GMCL1: variants seen among roughly 807,000 people sequenced by gnomAD.
GMCL1 encodes the protein germ cell-less protein-like 1.
A neutral mutation model predicts 75.5 loss-of-function variants in GMCL1; 54 were observed. The observed-to-expected ratio is 0.71, with a 90% CI of 0.57 to 0.90. The LOEUF is 0.90. Among genes scored for constraint, GMCL1 ranks in the 40% least tolerant of loss-of-function variants. The probability of loss-of-function intolerance (pLI) is 0.00; values close to 1 mark genes in which losing one functional copy is unlikely to be tolerated. For missense variants in GMCL1, 537 were observed against 622.7 expected (o/e 0.86, Z 1.47); for synonymous variants, 210 against 209.6 (o/e 1.00, Z -0.02).
chr2:69,869,823 C>T lies in GMCL1; in HGVS notation c.1323C>T (p.Ser441=), dbSNP rs541178410. ...GCAATACACTGAATCAGCCATGTAG[C>T]GGATCTGTCAGTTTACAGCCTCGAA... ...FKRNTLNQPC[S]GSVSLQPRRS... is the part of the protein sequence containing the mutation. The change falls in exon 12 of 14, where the codon AGC becomes AGT. Residue 441 remains serine (S), a synonymous_variant. Coordinates refer to ENST00000282570, the MANE Select transcript of GMCL1 (RefSeq NM_178439.5). 4.7e-5 allele frequency: 76 copies of T among 1,613,688 alleles called. No homozygotes were observed. In the South Asian group the frequency reaches 7.0e-4, roughly 15 times the overall value.
At chr2:69,832,533 A>G (rs1674704237) in intron 1 of GMCL1, among the ~76,000 whole-genome samples, 1 of 152,232 alleles carries the variant, frequency 6.6e-6, no homozygotes, top group Non-Finnish European at 1.5e-5. Context: ...CATGTATATA[A>G]CAAGTAGTGG....
intron 9 of GMCL1, among the ~76,000 whole-genome samples, chr2:69,856,759 C>T (rs527359517): frequency 5.5e-4 from 84 of 151,692 alleles, no homozygotes; most frequent in Admixed American, 2.1e-3. Context: ...CGTCCTAGCC[C>T]CCTCAGTGTG....
chr2:69,878,003 G>A (rs1394928185), intron 13 of GMCL1, among the ~76,000 whole-genome samples: 2 of 152,146 alleles, frequency 1.3e-5, no homozygotes. Flanking sequence ...TCTCATTTTA[G>A]TGTTTCTTCT....
At chr2:69,866,967 C>T (rs924928779) in intron 11 of GMCL1, among the ~76,000 whole-genome samples, 23 of 150,220 alleles carry the variant, frequency 1.5e-4, no homozygotes, top group African/African-American at 5.4e-4. Flanking sequence ...TTTTTTGAGA[C>T]AGAGTCTCAC....
At chr2:69,871,159 G>GACCA (rs1675972018) in intron 12 of GMCL1, among the ~76,000 whole-genome samples, 1 of 147,942 alleles carries the variant, frequency 6.8e-6, no homozygotes, top group African/African-American at 2.6e-5. Flanking sequence ...ACAAAATGTG[G>GACCA]TATATACATA....
chr2:69,839,645 A>T (rs1309466770), intron 3 of GMCL1, 92 bp downstream of exon 3: 2 of 830,584 alleles, frequency 2.4e-6, no homozygotes, highest in African/African-American at 3.4e-5. Context: ...CCAGCCTTGT[A>T]GTCTAGAAAA....
At chr2:69,877,147 A>G (rs1301494895) in intron 13 of GMCL1, among the ~76,000 whole-genome samples, 1 of 152,226 alleles carries the variant, frequency 6.6e-6, no homozygotes, top group African/African-American at 2.4e-5. Flanking sequence ...GAATAAGGAA[A>G]ATAGAACTTT....
chr2:69,847,583 T>C lies in GMCL1; in HGVS notation c.799T>C (p.Phe267Leu), dbSNP rs768317398. ...ACAGCTCATTGGTTCATCTAACTTA[T>C]TTGTGATGCAAGTGGAGATGGATAT... ...MKQLIGSSNL[F>L]VMQVEMDIYT... is the part of the protein sequence containing the mutation. The change falls in exon 7 of 14, where the codon TTT (phenylalanine) becomes CTT (leucine). Residue 267 changes from phenylalanine to leucine, a missense_variant. Around this residue, in one of 3 missense-constraint regions of GMCL1, gnomAD observed 345 missense variants for 410.5 expected, o/e 0.84. Coordinates refer to ENST00000282570, the MANE Select transcript of GMCL1 (RefSeq NM_178439.5). 1.2e-6 allele frequency: 2 copies of C among 1,611,424 alleles called. No homozygotes were observed. Among genetic ancestry groups the C allele is most frequent in the East Asian group, 2.2e-5 (1 of 44,772 alleles).
At position 69,850,562 on chromosome 2, in the gene GMCL1, G is replaced by A. The variant is rs181647861; in HGVS notation, c.934+820G>A. Among the ~76,000 whole-genome samples the A allele has an allele frequency of 2.2e-4, 33 of 152,170 alleles. 1 individual carries two copies. The East Asian group carries it at 6.2e-3, about 28-fold the overall frequency. On this transcript the variant is annotated intron_variant, in intron 8 of 13. Coordinates refer to ENST00000282570, the MANE Select transcript of GMCL1 (RefSeq NM_178439.5). ...CAGTAACTTCAGTCTTAACTCATGT[G>A]CTTCTTTTCTATTGTGTCCCTCTGA...
chr2:69,872,059 C>G (rs546985173), intron 13 of GMCL1, among the ~76,000 whole-genome samples: 24 of 152,244 alleles, frequency 1.6e-4, no homozygotes, highest in Non-Finnish European at 1.0e-4. Context: ...GTTTGAGGGG[C>G]AGGGAAACAC....
intron 3 of GMCL1, chr2:69,840,205 G>C (rs1167453965): frequency 6.6e-6 from 1 of 152,170 alleles, no homozygotes; most frequent in East Asian, 1.9e-4. Flanking sequence ...TCAGGAGATC[G>C]AGACCATCCT....
At chr2:69,841,219 C>T (rs1484379273) in intron 4 of GMCL1, among the ~76,000 whole-genome samples, 180 bp downstream of exon 4, 1 of 152,040 alleles carries the variant, frequency 6.6e-6, no homozygotes. Context: ...TTTATTACAA[C>T]CGAGGGAGTC....
At chr2:69,839,390 A>G (rs1674914787) in intron 2 of GMCL1, 67 bp from the exon 3 acceptor site, 1 of 946,812 alleles carries the variant, frequency 1.1e-6, no homozygotes, top group Non-Finnish European at 1.7e-6. Flanking sequence ...TTAGAATTAG[A>G]AATGGGCAAA....
At chr2:69,872,322 A>C (rs1676004595) in intron 13 of GMCL1, among the ~76,000 whole-genome samples, 1 of 152,206 alleles carries the variant, frequency 6.6e-6, no homozygotes, top group Non-Finnish European at 1.5e-5. Context: ...AAAGCCATTT[A>C]TTTATTCATA....
At chr2:69,843,626 A>G (rs1476088372) in intron 5 of GMCL1, among the ~76,000 whole-genome samples, 2 of 152,150 alleles carry the variant, frequency 1.3e-5, no homozygotes, top group African/African-American at 2.4e-5. Flanking sequence ...CCATCTCTAC[A>G]AAAAATTTTA....
intron 9 of GMCL1, among the ~76,000 whole-genome samples, chr2:69,855,951 GTTTAA>G (rs989040471): frequency 5.3e-5 from 8 of 152,270 alleles, no homozygotes; most frequent in African/African-American, 1.9e-4. Flanking sequence ...TTCTAAAGTA[GTTTAA>G]TTTAAGTGTG....
rs189218293 is a variant in GMCL1, at chr2:69,861,811, G to A, written c.1142+464G>A. Among the ~76,000 whole-genome samples, 22 of 152,190 alleles carry A rather than the reference G, an allele frequency of 1.4e-4. No homozygotes were observed. The East Asian group carries it at 1.7e-3, about 12-fold the overall frequency. On this transcript the variant is annotated intron_variant, in intron 10 of 13. Transcript: ENST00000282570. The stretch of plus-strand genomic sequence containing the variant: ...TTTAAAAACCATCCAGGCTGGGCAC[G>A]GTGGCTCACGCCTGTAATCCCAGCA...
rs776077495 is a variant in GMCL1 at position 69,861,258 on chromosome 2, AATTT to A, written c.1073-16_1073-13del. 23 of 1,510,626 alleles carry A rather than the reference AATTT, an allele frequency of 1.5e-5. No individual in the cohort carries two copies. Among genetic ancestry groups the A allele is most frequent in the East Asian group, 2.3e-5 (1 of 44,146 alleles). The allele number at this position is 1,510,626 out of a possible 1,614,324, so 93.6% of individuals were successfully genotyped here. A position where few individuals can be genotyped will look rare whatever the true frequency, so the allele number is the denominator to read the frequency against. ...TCTTCAGTCGTTATTTATTATTATT[AATTT>A]ATTCTTACATTTCAGAATGGCTCTC... On this transcript the variant is annotated splice_polypyrimidine_tract_variant and intron_variant, in intron 9 of 13. Transcript: ENST00000282570.
At chr2:69,877,340 C>A (rs1676154432) in intron 13 of GMCL1, among the ~76,000 whole-genome samples, 1 of 152,206 alleles carries the variant, frequency 6.6e-6, no homozygotes, top group Non-Finnish European at 1.5e-5. Context: ...TTCCTTCTTT[C>A]TCCAGAGTTG....
Sources: gnomAD v4.1 joint callset for allele counts (sites outside exome capture counted in the v4.1 genomes callset) on GRCh38, gnomAD v4.1.1 for gene constraint, gnomAD v4.1.1 regional missense constraint, MANE v1.5 for transcripts, NCBI Gene and HGNC (gene_info 2026-07-23, HGNC 2026-07-21) for gene names.